ABCC8: variants seen among roughly 807,000 people sequenced by gnomAD.
ABCC8 encodes ATP-binding cassette sub-family C member 8.
Under a neutral mutation model 188.0 loss-of-function variants are expected in ABCC8, and 137 were observed. That is an observed-to-expected ratio of 0.73 (90% CI 0.63 to 0.84). The LOEUF is 0.84. Ranked by LOEUF, ABCC8 falls within the 40% of genes least tolerant of loss-of-function variation. The pLI is 0.00. For missense variants in ABCC8, 1,750 were observed against 2,072.7 expected, an observed-to-expected ratio of 0.84 and a Z score of 3.02; for synonymous variants, 797 against 846.5, an observed-to-expected ratio of 0.94 and a Z score of 1.01.
At chr11:17,450,685 CTTTTTTTT>C (rs71047553) in intron 7 of ABCC8, among the ~76,000 whole-genome samples, 3 of 76,706 alleles carry the variant, frequency 3.9e-5, no homozygotes, top group Non-Finnish European at 7.1e-5. Flanking sequence ...GCATGAGCCA[CTTTTTTTT>C]TTTTTTTTTT....
At chr11:17,414,015 G>T (rs928467044) in intron 19 of ABCC8, among the ~76,000 whole-genome samples, 6 of 152,158 alleles carry the variant, frequency 3.9e-5, no homozygotes, top group African/African-American at 1.4e-4. Context: ...TGGCTGGGTG[G>T]CCTTGGGACC....
chr11:17,473,684 G>A (rs965097411), intron 2 of ABCC8, among the ~76,000 whole-genome samples: 1 of 152,162 alleles, frequency 6.6e-6, no homozygotes, highest in Admixed American at 6.5e-5. Flanking sequence ...GTCCCTGACT[G>A]CTGACACACC....
chr11:17,400,689 CA>C (rs1368428694), intron 29 of ABCC8, among the ~76,000 whole-genome samples: 1 of 152,220 alleles, frequency 6.6e-6, no homozygotes, highest in East Asian at 1.9e-4. Context: ...GAAGGTCAGG[CA>C]AACCTGGGTT....
intron 16 of ABCC8, among the ~76,000 whole-genome samples, chr11:17,424,079 AC>A (rs1360873563): frequency 6.6e-6 from 1 of 152,114 alleles, no homozygotes; most frequent in Non-Finnish European, 1.5e-5. Flanking sequence ...AAAACCAACC[AC>A]CACATGTGCT....
chr11:17,435,855 C>A (rs891892721), intron 10 of ABCC8: 2 of 1,240,812 alleles, frequency 1.6e-6, no homozygotes, highest in African/African-American at 1.5e-5. Context: ...TCAGTGCTGG[C>A]CCCGGACACA....
At chr11:17,461,173 G>T (rs2133677312) in intron 5 of ABCC8, 1 of 340,358 alleles carries the variant, frequency 2.9e-6, no homozygotes, top group South Asian at 2.7e-5. Flanking sequence ...TTCCTGTCTG[G>T]CTCAACTCAT....
intron 16 of ABCC8, among the ~76,000 whole-genome samples, chr11:17,425,018 T>C (rs1328917899): frequency 6.6e-6 from 1 of 152,226 alleles, no homozygotes; most frequent in Non-Finnish European, 1.5e-5. Context: ...CAGCTCACAG[T>C]GCACTGGGGA....
Position 17,414,497 on chromosome 11 carries a change from C to T in ABCC8, c.2390+15G>A. 6.2e-7 allele frequency: 1 copy of T among 1,614,170 alleles called. No individual in the cohort carries two copies. Among genetic ancestry groups the T allele is most frequent in the Non-Finnish European group, 8.5e-7 (1 of 1,179,992 alleles). On this transcript the variant is annotated intron_variant, in intron 19 of 38. Transcript: ENST00000389817. ...CCTCCCCTCCACATCCTGCCTCCCTCCGACAGGCTTTTACCGTTGTTTGTT... is the reference window on the plus strand; with the variant it reads ...CCTCCCCTCCACATCCTGCCTCCCTTCGACAGGCTTTTACCGTTGTTTGTT...
intron 12 of ABCC8, chr11:17,430,589 C>T (rs1955801600): frequency 6.6e-6 from 4 of 604,774 alleles, no homozygotes; most frequent in Non-Finnish European, 8.9e-6. Flanking sequence ...GACAGTGAGT[C>T]CCCTCTCCTG....
chr11:17,404,766 G>A lies in ABCC8; in HGVS notation c.3400-97C>T, dbSNP rs541327325. 6.6e-7 allele frequency: 1 copy of A among 1,513,394 alleles called. No homozygotes were observed. Among genetic ancestry groups the A allele is most frequent in the Non-Finnish European group, 9.0e-7 (1 of 1,116,808 alleles). 93.7% of individuals were successfully genotyped at this position (1,513,394 alleles called of 1,614,324 possible). Reference sequence around the variant, plus strand: ...ATGTTTTGCTCTCACTTTATTTTTTGATCCTTTATTTTTTTGAGACTGAGT... The same window carrying A: ...ATGTTTTGCTCTCACTTTATTTTTTAATCCTTTATTTTTTTGAGACTGAGT... On this transcript the variant is annotated intron_variant, in intron 27 of 38. Transcript: ENST00000389817. The surrounding 1 kb of genome is among the most constrained non-coding windows in gnomAD (Gnocchi z 4.7).
At chr11:17,428,749 C>T (rs1955714036) in intron 12 of ABCC8, 79 bp from the exon 13 acceptor site, 3 of 1,586,542 alleles carry the variant, frequency 1.9e-6, no homozygotes, top group Admixed American at 3.5e-5. Flanking sequence ...TGATAGAGAG[C>T]TCTGAGCAGG....
chr11:17,447,182 C>T (rs572819611), intron 8 of ABCC8, among the ~76,000 whole-genome samples: 12 of 152,262 alleles, frequency 7.9e-5, no homozygotes, highest in Admixed American at 2.0e-4. Context: ...ACCTTCCCGC[C>T]CTCTGGGAAT....
chr11:17,431,591 A>T (rs1166185863), intron 11 of ABCC8, among the ~76,000 whole-genome samples: 1 of 152,232 alleles, frequency 6.6e-6, no homozygotes, highest in African/African-American at 2.4e-5. Context: ...GCAGGCTCGT[A>T]GGGGCCCAGG....
chr11:17,452,983 A>G, intron 7 of ABCC8, 136 bp downstream of exon 7: 1 of 901,148 alleles, frequency 1.1e-6, no homozygotes, highest in Non-Finnish European at 1.8e-6. Flanking sequence ...ACTGTTTTAA[A>G]ACATCGTTAA....
intron 16 of ABCC8, among the ~76,000 whole-genome samples, chr11:17,419,902 G>A (rs1031347076): frequency 2.0e-5 from 3 of 152,190 alleles, no homozygotes; most frequent in East Asian, 1.9e-4. Context: ...AGGAGCCTCT[G>A]TTTCCTGATC....
Position 17,395,551 on chromosome 11 carries a change from G to C in ABCC8, c.4307+59C>G. On this transcript the variant is annotated intron_variant, in intron 35 of 38. Coordinates refer to ENST00000389817, the MANE Select transcript of ABCC8 (RefSeq NM_000352.6). ...CCAACCCCCTCCTCTTTGTGCTCCA[G>C]ATCTGATGGAACTGAGCCGGCCTGG... The C allele has an allele frequency of 2.6e-6, 4 of 1,534,698 alleles. No individual in the cohort carries two copies. In the South Asian group the frequency reaches 4.8e-5, roughly 18 times the overall value.
intron 12 of ABCC8, 22 bp downstream of exon 12, chr11:17,430,792 C>G: frequency 6.2e-7 from 1 of 1,613,076 alleles, no homozygotes; most frequent in Non-Finnish European, 8.5e-7. Flanking sequence ...GCCCAGTGCC[C>G]TCGCCCGGAC....
intron 10 of ABCC8, among the ~76,000 whole-genome samples, chr11:17,437,475 C>T (rs532361152): frequency 6.6e-6 from 1 of 152,370 alleles, no homozygotes; most frequent in Non-Finnish European, 1.5e-5. Flanking sequence ...CTGTGCAGGG[C>T]CAGGGGAGGA....
intron 3 of ABCC8, among the ~76,000 whole-genome samples, chr11:17,468,463 G>A (rs150010210): frequency 1.1e-4 from 17 of 152,270 alleles, no homozygotes; most frequent in South Asian, 8.3e-4. Flanking sequence ...CCCCAAGGAC[G>A]AAGTCTGAGG....
Sources: gnomAD v4.1 joint callset for allele counts (sites outside exome capture counted in the v4.1 genomes callset) on GRCh38, gnomAD v4.1.1 for gene constraint, Gnocchi (gnomAD v3.1) non-coding constraint, MANE v1.5 for transcripts, NCBI Gene and HGNC (gene_info 2026-07-23, HGNC 2026-07-21) for gene names.